Variants in RUBCNL observed in about 807,000 individuals in gnomAD.
RUBCNL encodes protein associated with UVRAG as autophagy enhancer.
RUBCNL carries 62 observed loss-of-function variants against 69.5 expected under a neutral mutation model. The observed-to-expected ratio is 0.89, with a 90% CI of 0.73 to 1.10. RUBCNL has a LOEUF of 1.10. RUBCNL is among the 50% of genes least tolerant of loss of function. RUBCNL has a pLI of 0.00. For missense variants in RUBCNL, 768 were observed against 798.1 expected (o/e 0.96, Z 0.45); for synonymous variants, 291 against 303.6 (o/e 0.96, Z 0.43).
At position 46,342,906 on chromosome 13, in the gene RUBCNL, A is replaced by T. The variant is rs1411645173; in HGVS notation, c.*479T>A. The T allele has an allele frequency of 6.4e-6, 1 of 155,478 alleles. No individual in the cohort carries two copies. The highest frequency in any genetic ancestry group is 1.4e-5 in the Non-Finnish European group (1 of 70,118). The allele number at this position is 155,478 out of a possible 1,614,324, so 9.6% of individuals were successfully genotyped here. A position where few individuals can be genotyped will look rare whatever the true frequency, so the allele number is the denominator to read the frequency against. On this transcript the variant is annotated 3_prime_UTR_variant, in exon 15 of 15. Transcript: ENST00000429979. ...AAATGTGTATGATTGACACAATCAC[A>T]AAATGGCATTTAAGTGGAAGTCTGC...
At chr13:46,385,701 G>A (rs541989023) in intron 1 of RUBCNL, among the ~76,000 whole-genome samples, 1 of 148,754 alleles carries the variant, frequency 6.7e-6, no homozygotes, top group South Asian at 2.1e-4. Flanking sequence ...GTTTACTCTT[G>A]GATGTTTAAC....
At chr13:46,363,483 G>A (rs926577581) in intron 5 of RUBCNL, among the ~76,000 whole-genome samples, 1 of 152,056 alleles carries the variant, frequency 6.6e-6, no homozygotes, top group African/African-American at 2.4e-5. Context: ...TTAAAATATT[G>A]AAACACTGAA....
At chr13:46,383,180 C>T (rs148407461) in intron 1 of RUBCNL, among the ~76,000 whole-genome samples, 1,556 of 152,290 alleles carry the variant, frequency 0.01, 27 homozygotes, top group African/African-American at 0.028. Context: ...AAAAAATTCC[C>T]GTTTAAGTTT....
At position 46,372,432 on chromosome 13, in the gene RUBCNL, G is replaced by A. The variant is rs1236197234; in HGVS notation, c.44C>T (p.Pro15Leu). The A allele has an allele frequency of 1.9e-6, 3 of 1,611,526 alleles. No individual in the cohort carries two copies. The African/African-American group carries it at 4.0e-5, about 22-fold the overall frequency. Residue 15 changes from proline to leucine, a missense_variant, in exon 3 of 15, where the codon CCC becomes CTC. Physicochemically the swap from Pro to Leu is moderately conservative, Grantham distance 98 (BLOSUM62 -3). Transcript: ENST00000429979. ...AGAGTGATCGCTGATCCCTTCCCAG[G>A]GCTCCACAGGAGAATCCTGCCTGAC... ...STVRQDSPVEPWEGISDHSGI... is the reference protein window; with the variant it reads ...STVRQDSPVELWEGISDHSGI...
At chr13:46,364,503 T>C (rs187053898) in intron 5 of RUBCNL, among the ~76,000 whole-genome samples, 259 of 152,296 alleles carry the variant, frequency 1.7e-3, no homozygotes, top group Admixed American at 1.8e-3. Flanking sequence ...CCAGCTGCAG[T>C]TTCCTCATGG....
intron 2 of RUBCNL, among the ~76,000 whole-genome samples, chr13:46,377,265 T>C (rs1042403248): frequency 1.3e-5 from 2 of 152,198 alleles, no homozygotes; most frequent in African/African-American, 4.8e-5. Flanking sequence ...TGGTTTTGTT[T>C]TTCATTTTGT....
At chr13:46,388,031 G>A (rs1278521433), upstream of RUBCNL, among the ~76,000 whole-genome samples, 2 of 151,994 alleles carry the variant, frequency 1.3e-5, no homozygotes, top group Non-Finnish European at 2.9e-5. Flanking sequence ...GGCCAACATG[G>A]TGAAAGCCTG....
rs1375031547 is a variant in RUBCNL at position 46,342,420 on chromosome 13, T to C, written c.*965A>G. The C allele has an allele frequency of 6.6e-6, 1 of 151,926 alleles. No individual in the cohort carries two copies. The highest frequency in any genetic ancestry group is 1.5e-5 in the Non-Finnish European group (1 of 67,986). 9.4% of individuals were successfully genotyped at this position (151,926 alleles called of 1,614,324 possible). On this transcript the variant is annotated 3_prime_UTR_variant, in exon 15 of 15. Coordinates refer to ENST00000429979, the MANE Select transcript of RUBCNL (RefSeq NM_025113.5). ...GGCCCCTTTCTCAAGTGGGAGAAAG[T>C]ATATAGAAAGTAGAAGAAAAAAGAA...
chr13:46,338,922 C>T lies in RUBCNL; in HGVS notation c.*4463G>A, dbSNP rs1292736726. Among the ~76,000 whole-genome samples the T allele has an allele frequency of 6.6e-6, 1 of 152,054 alleles. No individual in the cohort carries two copies. Among genetic ancestry groups the T allele is most frequent in the African/African-American group, 2.4e-5 (1 of 41,380 alleles). On this transcript the variant is annotated 3_prime_UTR_variant, in exon 15 of 15. Transcript: ENST00000429979. ...ATTAGCTGGGCATGGTGGCACATGCCTGTGGTCCCAGCTACTAGGGAAGCT... is the reference window on the plus strand; with the variant it reads ...ATTAGCTGGGCATGGTGGCACATGCTTGTGGTCCCAGCTACTAGGGAAGCT...
At position 46,336,552 on chromosome 13, in the gene RUBCNL, TTAGC is replaced by T. The variant is rs2048106208; in HGVS notation, c.*6829_*6832del. 6.7e-6 allele frequency among the ~76,000 whole-genome samples: 1 copy of T among 148,826 alleles called. No individual in the cohort carries two copies. Among genetic ancestry groups the T allele is most frequent in the Non-Finnish European group, 1.5e-5 (1 of 66,414 alleles). The stretch of plus-strand genomic sequence containing the variant: ...GAAATTCATTATAGTCTAGCTTTTC[TTAGC>T]TAGACTTTTTTATTTTATTATATTT... On this transcript the variant is annotated 3_prime_UTR_variant, in exon 15 of 15. Coordinates refer to ENST00000429979, the MANE Select transcript of RUBCNL (RefSeq NM_025113.5).
chr13:46,370,477 A>T (rs2048854210), intron 3 of RUBCNL, among the ~76,000 whole-genome samples: 1 of 152,228 alleles, frequency 6.6e-6, no homozygotes, highest in Non-Finnish European at 1.5e-5. Context: ...CCAGAGAAAG[A>T]AAGAACCAGA....
intron 9 of RUBCNL, among the ~76,000 whole-genome samples, chr13:46,357,332 CAAA>C (rs750289413): frequency 1.9e-5 from 1 of 53,294 alleles, no homozygotes. Context: ...GACTCCGTCT[CAAA>C]AAAAAAAAAA....
Position 46,359,628 on chromosome 13 carries a change from C to A in RUBCNL, c.1123G>T (p.Val375Leu). ...GSLSAAGSIV[V>L]NEECVRKDFE... is the part of the protein sequence containing the mutation. ...TCTTTTCGGACACACTCTTCATTTA[C>A]GACCTGCATAAGACATAAAATGATT... The change falls in exon 9 of 15, where the codon GTA (valine) becomes TTA (leucine). Residue 375 changes from valine to leucine, a missense_variant. Physicochemically the swap from Val to Leu is conservative, Grantham distance 32. Transcript: ENST00000429979. 1 of 1,583,180 alleles carries A rather than the reference C, an allele frequency of 6.3e-7. No individual in the cohort carries two copies. Among genetic ancestry groups the A allele is most frequent in the Admixed American group, 1.8e-5 (1 of 55,790 alleles).
intron 3 of RUBCNL, among the ~76,000 whole-genome samples, chr13:46,370,826 C>G (rs1242397915): frequency 1.3e-5 from 2 of 150,564 alleles, no homozygotes; most frequent in East Asian, 3.9e-4. Flanking sequence ...ATAAGACAAT[C>G]TATTAAGACT....
chr13:46,349,289 T>C lies in RUBCNL; in HGVS notation c.1628A>G (p.Asn543Ser). The C allele has an allele frequency of 6.2e-7, 1 of 1,613,570 alleles. No homozygotes were observed. Among genetic ancestry groups the C allele is most frequent in the Non-Finnish European group, 8.5e-7 (1 of 1,179,624 alleles). The stretch of plus-strand genomic sequence containing the variant: ...CTGTCCCAGCTGAGAATAGTACCTG[T>C]TAGCAAACCTACAGGTCTTCAACAG... ...KKLLKTCRFA[N>S]SALKEFEQVP... The change falls in exon 12 of 15, where the codon AAC becomes AGC. Residue 543 changes from asparagine to serine, a missense_variant. Transcript: ENST00000429979.
chr13:46,373,476 T>C (rs983741995), intron 2 of RUBCNL, among the ~76,000 whole-genome samples: 1 of 152,230 alleles, frequency 6.6e-6, no homozygotes, highest in Non-Finnish European at 1.5e-5. Context: ...CTAGAACCCA[T>C]CTTTAAAACC....
intron 1 of RUBCNL, among the ~76,000 whole-genome samples, chr13:46,381,619 G>T (rs2049118337): frequency 6.6e-6 from 1 of 152,062 alleles, no homozygotes; most frequent in Admixed American, 6.6e-5. Flanking sequence ...TTTCGCTCTT[G>T]TTGCCCAGGC....
upstream of RUBCNL, chr13:46,387,935 C>G (rs1036593303): frequency 5.9e-6 from 5 of 847,750 alleles, no homozygotes; most frequent in Non-Finnish European, 7.1e-6. Context: ...TGGCCGGGTG[C>G]GGTGGTTCAA....
chr13:46,373,127 C>T (rs1487544908), intron 2 of RUBCNL, among the ~76,000 whole-genome samples: 1 of 152,126 alleles, frequency 6.6e-6, no homozygotes, highest in African/African-American at 2.4e-5. Flanking sequence ...GCACGTGCCA[C>T]CACGCCTGGC....
Sources: gnomAD v4.1 joint callset for allele counts (sites outside exome capture counted in the v4.1 genomes callset) on GRCh38, gnomAD v4.1.1 for gene constraint, MANE v1.5 for transcripts, NCBI Gene and HGNC (gene_info 2026-07-23, HGNC 2026-07-21) for gene names.